AFAP1L2: variants seen among roughly 807,000 people sequenced by gnomAD.
AFAP1L2 encodes the protein actin filament-associated protein 1-like 2.
Under a neutral mutation model 99.3 loss-of-function variants are expected in AFAP1L2, and 46 were observed. The ratio of observed to expected loss-of-function variants is 0.46; its 90% CI spans 0.37 to 0.59. The LOEUF (loss-of-function observed/expected upper bound fraction) is 0.59, where lower values mean the gene tolerates loss of function less well. AFAP1L2 is among the 20% of genes least tolerant of loss of function. AFAP1L2 has a pLI of 0.00. For missense variants in AFAP1L2, 959 were observed against 1,034.9 expected (o/e 0.93, Z 1.01); for synonymous variants, 397 against 419.1 (o/e 0.95, Z 0.64).
intron 1 of AFAP1L2, chr10:114,398,756 T>C: frequency 8.6e-7 from 1 of 1,168,088 alleles, no homozygotes; most frequent in Non-Finnish European, 1.1e-6. Flanking sequence ...CCCTCAACCA[T>C]CCACCCAGAG....
At chr10:114,354,664 C>A (rs957121213) in intron 1 of AFAP1L2, among the ~76,000 whole-genome samples, 14 of 151,914 alleles carry the variant, frequency 9.2e-5, no homozygotes, top group African/African-American at 3.4e-4. Context: ...TCTTTCTTCT[C>A]TTGGGATTGC....
chr10:114,319,664 CACAG>C (rs1265845944), intron 5 of AFAP1L2: 8 of 1,283,892 alleles, frequency 6.2e-6, no homozygotes, highest in Non-Finnish European at 8.1e-6. Flanking sequence ...CATCCAGGAG[CACAG>C]ACAGAGGGAA....
At chr10:114,288,833 C>A in the AFAP1L2 span, 1 of 1,181,812 alleles carries the variant, frequency 8.5e-7, no homozygotes, top group Non-Finnish European at 1.2e-6. Context: ...GTGAACAGAG[C>A]ACCCTGGCTG....
intron 1 of AFAP1L2, among the ~76,000 whole-genome samples, chr10:114,350,445 G>A (rs969569270): frequency 6.6e-6 from 1 of 152,194 alleles, no homozygotes; most frequent in Non-Finnish European, 1.5e-5. Context: ...TGCCTAGATA[G>A]TGCTTTGCTA....
intron 5 of AFAP1L2, among the ~76,000 whole-genome samples, chr10:114,322,279 C>T (rs1297291218): frequency 6.6e-6 from 1 of 152,098 alleles, no homozygotes; most frequent in Non-Finnish European, 1.5e-5. Context: ...TAGGTCAGTC[C>T]CTAAGTAACC....
intron 2 of AFAP1L2, among the ~76,000 whole-genome samples, chr10:114,335,612 C>A (rs79172766): frequency 2.3e-3 from 299 of 131,802 alleles, no homozygotes; most frequent in Middle Eastern, 3.9e-3. Flanking sequence ...GACTCCGTCT[C>A]AAAAAAAAAA....
At chr10:114,315,010 G>A (rs373761865) in intron 6 of AFAP1L2, among the ~76,000 whole-genome samples, 3 of 152,046 alleles carry the variant, frequency 2.0e-5, no homozygotes, top group Non-Finnish European at 2.9e-5. Flanking sequence ...GCGTGGTGGC[G>A]GGCGCCTGTA....
intron 1 of AFAP1L2, among the ~76,000 whole-genome samples, chr10:114,395,592 A>G (rs2057617091): frequency 6.6e-6 from 1 of 152,136 alleles, no homozygotes; most frequent in Non-Finnish European, 1.5e-5. Flanking sequence ...ACATGAATAA[A>G]TCCTGTTGTA....
intron 1 of AFAP1L2, chr10:114,363,106 A>C: frequency 1.0e-6 from 1 of 985,420 alleles, no homozygotes; most frequent in Non-Finnish European, 1.2e-6. Context: ...GCCTCTCAGC[A>C]CTGGGCGTCG....
At chr10:114,333,090 T>C in intron 3 of AFAP1L2, 131 bp downstream of exon 3, 1 of 813,516 alleles carries the variant, frequency 1.2e-6, no homozygotes, top group Non-Finnish European at 2.0e-6. Flanking sequence ...AAATGTGGCT[T>C]CCAAAAATAA....
intron 1 of AFAP1L2, among the ~76,000 whole-genome samples, chr10:114,365,723 CTTT>C (rs1243956682): frequency 1.8e-5 from 2 of 108,388 alleles, no homozygotes; most frequent in Admixed American, 9.7e-5. Context: ...CTCTCTCTCT[CTTT>C]TTTTTTTTTT....
rs536589248 is a variant in AFAP1L2, at chr10:114,395,818, A to T, written c.16+8622T>A. Among the ~76,000 whole-genome samples the T allele has an allele frequency of 8.8e-5, 13 of 147,926 alleles. No homozygotes were observed. In the East Asian group the frequency reaches 2.5e-3, roughly 29 times the overall value. Reference sequence around the variant, plus strand: ...CATAAGCTCCCAGCTTCTCCCTTGCACTCAAACCAGACGCGGGCCTTGGGG... The same window carrying T: ...CATAAGCTCCCAGCTTCTCCCTTGCTCTCAAACCAGACGCGGGCCTTGGGG... On this transcript the variant is annotated intron_variant, in intron 1 of 18. Coordinates refer to ENST00000304129, the MANE Select transcript of AFAP1L2 (RefSeq NM_001001936.3).
chr10:114,368,709 C>G (rs2053634052), intron 1 of AFAP1L2, among the ~76,000 whole-genome samples: 1 of 151,098 alleles, frequency 6.6e-6, no homozygotes. Flanking sequence ...ACCACCACAC[C>G]CAGCCAATGT....
At chr10:114,327,143 ATATT>A (rs1444969246) in intron 4 of AFAP1L2, among the ~76,000 whole-genome samples, 9 of 46,802 alleles carry the variant, frequency 1.9e-4, no homozygotes, top group African/African-American at 5.5e-4. Flanking sequence ...AATTTTATAT[ATATT>A]TATATATATA....
intron 1 of AFAP1L2, among the ~76,000 whole-genome samples, chr10:114,344,778 A>C (rs747481657): frequency 6.6e-6 from 1 of 152,204 alleles, no homozygotes; most frequent in African/African-American, 2.4e-5. Flanking sequence ...ATAGGAGCTC[A>C]CTGGAAAGGG....
At chr10:114,363,637 G>A (rs1283935797) in intron 1 of AFAP1L2, among the ~76,000 whole-genome samples, 1 of 152,218 alleles carries the variant, frequency 6.6e-6, no homozygotes. Context: ...TGAAACAGGT[G>A]GCAGAGTTAA....
At chr10:114,319,046 T>C (rs2044647471) in intron 5 of AFAP1L2, among the ~76,000 whole-genome samples, 1 of 151,956 alleles carries the variant, frequency 6.6e-6, no homozygotes, top group South Asian at 2.1e-4. Flanking sequence ...CCCAGCTACT[T>C]GGGAGGCGGA....
intron 1 of AFAP1L2, among the ~76,000 whole-genome samples, chr10:114,366,671 T>C (rs948221271): frequency 6.6e-6 from 1 of 152,130 alleles, no homozygotes; most frequent in Non-Finnish European, 1.5e-5. Flanking sequence ...TACTCAGTTG[T>C]AAGAAGTATT....
chr10:114,305,112 C>A (rs1190296001), intron 10 of AFAP1L2, 182 bp from the exon 11 acceptor site: 2 of 452,100 alleles, frequency 4.4e-6, no homozygotes, highest in Admixed American at 6.0e-5. Context: ...CAGGAGGGGA[C>A]CGGGCTGCAG....
Sources: gnomAD v4.1 joint callset for allele counts (sites outside exome capture counted in the v4.1 genomes callset) on GRCh38, gnomAD v4.1.1 for gene constraint, MANE v1.5 for transcripts, NCBI Gene and HGNC (gene_info 2026-07-23, HGNC 2026-07-21) for gene names.